PAK3: variants seen among roughly 807,000 people sequenced by gnomAD.
The protein encoded by PAK3 is p21 (RAC1) activated kinase 3, also known as serine/threonine-protein kinase PAK 3.
In PAK3, 4 loss-of-function variants were observed where a neutral mutation model predicts 41.0. The ratio of observed to expected loss-of-function variants is 0.10; its 90% CI spans 0.05 to 0.22. The LOEUF (loss-of-function observed/expected upper bound fraction) is 0.22, where lower values mean the gene tolerates loss of function less well. Among genes scored for constraint, PAK3 ranks in the 10% least tolerant of loss-of-function variants. PAK3 has a pLI of 1.00. For synonymous variants in PAK3, 146 were observed against 139.6 expected (o/e 1.05, Z -0.32); for missense variants, 205 against 409.9 (o/e 0.50, Z 4.32).
At chrX:111,138,437 G>A (rs1437554868) in intron 5 of PAK3, among the ~76,000 whole-genome samples, 1 of 111,432 alleles carries the variant, frequency 9.0e-6, no homozygotes, top group Non-Finnish European at 1.9e-5. Context: ...TATGCTGATG[G>A]TACCAAGCTC....
intron 1 of PAK3, among the ~76,000 whole-genome samples, chrX:111,006,373 G>A (rs1484846010): frequency 1.8e-5 from 2 of 111,668 alleles, no homozygotes; most frequent in African/African-American, 6.5e-5. Context: ...GCGGTGAAAG[G>A]CATGATGTCT....
upstream of PAK3, among the ~76,000 whole-genome samples, chrX:111,095,377 G>A (rs934337851): frequency 9.0e-6 from 1 of 111,623 alleles, no homozygotes; most frequent in Non-Finnish European, 1.9e-5. Flanking sequence ...TCGCCTTGCT[G>A]GGATTCACCA....
At chrX:111,111,176 A>G (rs753271417) in intron 4 of PAK3, among the ~76,000 whole-genome samples, 1 of 112,505 alleles carries the variant, frequency 8.9e-6, no homozygotes, top group South Asian at 3.7e-4. Context: ...TGAATGTGTT[A>G]GAACCACTGC....
At chrX:111,110,950 T>C (rs897423371) in intron 4 of PAK3, among the ~76,000 whole-genome samples, 4 of 112,136 alleles carry the variant, frequency 3.6e-5, no homozygotes, top group African/African-American at 1.3e-4. Flanking sequence ...AACATATCAG[T>C]TCTCCCGCCT....
chrX:111,100,960 A>G (rs1358699170), intron 3 of PAK3, among the ~76,000 whole-genome samples: 2 of 112,465 alleles, frequency 1.8e-5, no homozygotes, highest in Admixed American at 9.3e-5. Flanking sequence ...ACAACACTAT[A>G]CAGACACACA....
intron 16 of PAK3, among the ~76,000 whole-genome samples, chrX:111,211,917 A>G (rs60253079): frequency 0.14 from 15,525 of 110,742 alleles, 2,663 homozygotes; most frequent in African/African-American, 0.47. Flanking sequence ...AGAATAAAAA[A>G]GCTTGAATAA....
chrX:111,147,185 C>T (rs959718879), intron 6 of PAK3, among the ~76,000 whole-genome samples: 3 of 111,338 alleles, frequency 2.7e-5, no homozygotes, highest in Non-Finnish European at 3.8e-5. Context: ...TTGTCTCCTA[C>T]CAACCTGCCT....
chrX:111,208,022 T>C (rs2094774211), intron 16 of PAK3, among the ~76,000 whole-genome samples: 1 of 112,517 alleles, frequency 8.9e-6, no homozygotes, highest in Non-Finnish European at 1.9e-5. Flanking sequence ...CTCGAACTCC[T>C]GACCTCAGGT....
chrX:110,999,523 G>A (rs189829214), intron 1 of PAK3, among the ~76,000 whole-genome samples: 98 of 110,571 alleles, frequency 8.9e-4, no homozygotes, highest in African/African-American at 3.0e-3. Context: ...TTCGCTTTGC[G>A]GAGTTCTTCA....
Position 110,981,252 on chromosome X carries a change from A to G in PAK3, c.-28+36624A>G, listed in dbSNP as rs374524394. Among the ~76,000 whole-genome samples the G allele has an allele frequency of 2.0e-3, 226 of 112,151 alleles. 3 individuals carry two copies. In the South Asian group the frequency reaches 0.08, roughly 40 times the overall value. On this transcript the variant is annotated intron_variant, in intron 1 of 14. Coordinates refer to the PAK3 transcript ENST00000425146. ...AAGAAAAACTGAGAAACTGTTTCCA[A>G]TTAAAGGAGACTGAAGAGATATGGA...
chrX:111,108,968 A>T (rs1011761064), intron 4 of PAK3, among the ~76,000 whole-genome samples: 1 of 112,062 alleles, frequency 8.9e-6, no homozygotes, highest in African/African-American at 3.2e-5. Context: ...CTTCCATTTC[A>T]ATAGAGGTGT....
upstream of PAK3, among the ~76,000 whole-genome samples, chrX:111,095,442 G>T (rs751670434): frequency 1.8e-5 from 2 of 112,017 alleles, no homozygotes; most frequent in South Asian, 7.5e-4. Context: ...AGTAGCAAGA[G>T]ATTATTTTTG....
chrX:111,142,824 GT>G (rs2149093999), intron 6 of PAK3, among the ~76,000 whole-genome samples: 1 of 110,997 alleles, frequency 9.0e-6, no homozygotes, highest in South Asian at 3.9e-4. Context: ...CTCTAGAGAT[GT>G]CATGCAATCC....
In PAK3 at chrX:111,196,251, C is replaced by T. The variant is rs2295405; in HGVS notation, c.1211-193C>T. 3.7e-4 allele frequency among the ~76,000 whole-genome samples: 41 copies of T among 112,066 alleles called. 1 individual carries two copies. In the East Asian group the frequency reaches 0.011, roughly 29 times the overall value. On this transcript the variant is annotated intron_variant, in intron 15 of 17. Transcript: ENST00000372007. ...TTAGATTGAAGTCTAGTAAAAATGACATCACGTTAGTCAATTATTTCAGAC... is the reference window on the plus strand; with the variant it reads ...TTAGATTGAAGTCTAGTAAAAATGATATCACGTTAGTCAATTATTTCAGAC...
At chrX:110,994,972 C>T (rs923226032) in intron 1 of PAK3, among the ~76,000 whole-genome samples, 1 of 112,034 alleles carries the variant, frequency 8.9e-6, no homozygotes, top group Admixed American at 9.5e-5. Context: ...CAACACAGTG[C>T]TCAGCCTAAA....
At chrX:111,096,598 T>G (rs1431244604) in intron 1 of PAK3, 183 bp downstream of exon 1, 1 of 110,997 alleles carries the variant, frequency 9.0e-6, no homozygotes, top group East Asian at 2.9e-4. Flanking sequence ...GCAGTTTGCA[T>G]GATCCCAGTT....
intron 16 of PAK3, among the ~76,000 whole-genome samples, chrX:111,199,427 T>C (rs762478572): frequency 1.5e-3 from 170 of 111,991 alleles, no homozygotes; most frequent in Non-Finnish European, 2.9e-3. Context: ...AGCTTTCTAA[T>C]GTAAAATACA....
intron 1 of PAK3, among the ~76,000 whole-genome samples, chrX:111,075,236 G>A (rs758001244): frequency 8.9e-6 from 1 of 112,656 alleles, no homozygotes; most frequent in South Asian, 3.7e-4. Context: ...AAGATAATGG[G>A]GAAAAGGCCT....
chrX:111,144,943 C>A (rs199994186), intron 6 of PAK3: 37 of 907,273 alleles, frequency 4.1e-5, no homozygotes, highest in Middle Eastern at 5.3e-4. Flanking sequence ...TATAAATTAT[C>A]ATTTCTTATG....
Sources: gnomAD v4.1 joint callset for allele counts (sites outside exome capture counted in the v4.1 genomes callset) on GRCh38, gnomAD v4.1.1 for gene constraint, MANE v1.5 for transcripts, NCBI Gene and HGNC (gene_info 2026-07-23, HGNC 2026-07-21) for gene names.